ADAM22: variants seen among roughly 807,000 people sequenced by gnomAD.
ADAM22 encodes the protein disintegrin and metalloproteinase domain-containing protein 22.
A neutral mutation model predicts 144.6 loss-of-function variants in ADAM22; 65 were observed. The observed-to-expected ratio is 0.45, with a 90% CI of 0.37 to 0.55. The LOEUF (loss-of-function observed/expected upper bound fraction) is 0.55. ADAM22 is among the 20% of genes least tolerant of loss of function. The pLI is 0.00. For missense variants in ADAM22, 974 were observed against 1,184.9 expected (o/e 0.82, Z 2.61); for synonymous variants, 391 against 412.6 (o/e 0.95, Z 0.63).
intron 2 of ADAM22, among the ~76,000 whole-genome samples, chr7:87,970,916 T>G (rs1850277429): frequency 6.6e-6 from 1 of 152,196 alleles, no homozygotes; most frequent in Non-Finnish European, 1.5e-5. Flanking sequence ...GGAGAGTTAT[T>G]TTATATTTTT....
chr7:88,066,767 A>G (rs1019361473), intron 3 of ADAM22, among the ~76,000 whole-genome samples: 1 of 152,136 alleles, frequency 6.6e-6, no homozygotes, highest in African/African-American at 2.4e-5. Context: ...AGAAAGGAGA[A>G]AAACCAGGAC....
Position 88,201,722 on chromosome 7 carries a change from A to G in ADAM22, c.*5231A>G, listed in dbSNP as rs1196709773. ...TTCCATGTTCCTACGTATCCTTGAAATCAAAACCAGGCAATATGTGTGTTT... is the reference window on the plus strand; with the variant it reads ...TTCCATGTTCCTACGTATCCTTGAAGTCAAAACCAGGCAATATGTGTGTTT... On this transcript the variant is annotated 3_prime_UTR_variant, in exon 32 of 32. Transcript: ENST00000413139. The G allele has an allele frequency of 6.6e-6, 1 of 152,224 alleles. No homozygotes were observed. The highest frequency in any genetic ancestry group is 1.5e-5 in the Non-Finnish European group (1 of 68,044). The allele number at this position is 152,224 out of a possible 1,614,324, so 9.4% of individuals were successfully genotyped here. A position where few individuals can be genotyped will look rare whatever the true frequency, so the allele number is the denominator to read the frequency against.
At chr7:87,952,917 A>C (rs1845636955) in intron 2 of ADAM22, among the ~76,000 whole-genome samples, 4 of 152,078 alleles carry the variant, frequency 2.6e-5, no homozygotes. Flanking sequence ...TAGATTTTCT[A>C]GTTTATTTGT....
chr7:88,108,808 G>A (rs987825080), intron 5 of ADAM22, among the ~76,000 whole-genome samples: 2 of 151,796 alleles, frequency 1.3e-5, no homozygotes, highest in Non-Finnish European at 2.9e-5. Context: ...ATATTGTCAA[G>A]AAAAAAGATA....
intron 8 of ADAM22, among the ~76,000 whole-genome samples, chr7:88,126,155 G>A (rs1397238579): frequency 1.3e-5 from 2 of 152,004 alleles, no homozygotes; most frequent in Admixed American, 6.6e-5. Context: ...CTTGGACTAG[G>A]TAATAATAAC....
At chr7:88,123,022 G>A (rs918628927) in intron 7 of ADAM22, among the ~76,000 whole-genome samples, 6 of 152,012 alleles carry the variant, frequency 3.9e-5, no homozygotes, top group Non-Finnish European at 7.4e-5. Flanking sequence ...TGTCTATTAC[G>A]GGATCATATA....
chr7:88,125,972 C>T (rs906572383), intron 8 of ADAM22, among the ~76,000 whole-genome samples: 5 of 151,918 alleles, frequency 3.3e-5, no homozygotes, highest in African/African-American at 7.2e-5. Context: ...TGTACCACAT[C>T]GTGGAATCCA....
At chr7:88,152,755 T>C (rs995449999) in intron 20 of ADAM22, among the ~76,000 whole-genome samples, 10 of 152,116 alleles carry the variant, frequency 6.6e-5, no homozygotes, top group Non-Finnish European at 1.0e-4. Flanking sequence ...CTCAGCTCAC[T>C]GCACCCTCTG....
intron 4 of ADAM22, among the ~76,000 whole-genome samples, chr7:88,090,825 T>C (rs956060535): frequency 4.6e-5 from 7 of 152,160 alleles, no homozygotes; most frequent in Admixed American, 2.0e-4. Flanking sequence ...GATTCTGTAA[T>C]TGCAGATAGG....
At chr7:88,101,437 A>C (rs1338102225) in intron 4 of ADAM22, among the ~76,000 whole-genome samples, 1 of 152,150 alleles carries the variant, frequency 6.6e-6, no homozygotes. Flanking sequence ...TGACCCTTTT[A>C]GCATGACCAA....
intron 2 of ADAM22, among the ~76,000 whole-genome samples, chr7:87,938,195 A>C (rs1258815531): frequency 5.7e-5 from 8 of 141,382 alleles, no homozygotes; most frequent in Admixed American, 4.3e-4. Context: ...TTTTAATTTT[A>C]GATACCCATA....
chr7:88,183,775 A>C (rs1847662322), intron 29 of ADAM22, among the ~76,000 whole-genome samples: 1 of 151,318 alleles, frequency 6.6e-6, no homozygotes, highest in Non-Finnish European at 1.5e-5. Context: ...GCTGACCATA[A>C]TTCTCACATA....
At position 87,934,355 on chromosome 7, in the gene ADAM22, T is replaced by G; in HGVS notation, c.-111T>G. The stretch of plus-strand genomic sequence containing the variant: ...CGGCCGCCGCAGCACCGGCCGGGGC[T>G]GGGTGGAGGTGGCCGCGGGGACCCC... On this transcript the variant is annotated 5_prime_UTR_variant, in exon 1 of 32. Transcript: ENST00000413139. 2 of 986,112 alleles carry G rather than the reference T, an allele frequency of 2.0e-6. No homozygotes were observed. The highest frequency in any genetic ancestry group is 2.9e-6 in the Non-Finnish European group (2 of 681,906). 61.1% of individuals were successfully genotyped at this position (986,112 alleles called of 1,614,324 possible). A position where few individuals can be genotyped will look rare whatever the true frequency, so the allele number is the denominator to read the frequency against.
intron 7 of ADAM22, among the ~76,000 whole-genome samples, chr7:88,123,851 T>G (rs1438282899): frequency 3.9e-5 from 6 of 152,130 alleles, no homozygotes; most frequent in Non-Finnish European, 7.4e-5. Flanking sequence ...ACCATGTGAT[T>G]TCTTCTTTGT....
Position 88,164,424 on chromosome 7 carries a change from AATTAT to A in ADAM22, c.2076+1248_2076+1252del, listed in dbSNP as rs758106532. Among the ~76,000 whole-genome samples the A allele has an allele frequency of 8.5e-4, 130 of 152,210 alleles. 3 individuals carry two copies. The highest frequency in any genetic ancestry group is 7.8e-4 in the Non-Finnish European group (53 of 67,966). ...TTATGTATTCACAATAATTATGCAT[AATTAT>A]ATTTGGGGTAATTTTAACTTACAGC... On this transcript the variant is annotated intron_variant, in intron 23 of 31. Coordinates refer to ENST00000413139, the MANE Select transcript of ADAM22 (RefSeq NM_001324418.2).
intron 2 of ADAM22, among the ~76,000 whole-genome samples, chr7:87,949,936 A>G (rs1234429792): frequency 6.6e-6 from 1 of 150,778 alleles, no homozygotes; most frequent in East Asian, 1.9e-4. Flanking sequence ...TAAAATATTT[A>G]TATTCTTTTA....
At chr7:88,123,308 A>G (rs1016994251) in intron 7 of ADAM22, among the ~76,000 whole-genome samples, 1 of 151,344 alleles carries the variant, frequency 6.6e-6, no homozygotes, top group Non-Finnish European at 1.5e-5. Context: ...TTTTTTTCTA[A>G]GTTGGTGTAA....
chr7:88,018,968 G>A (rs1178723898), intron 3 of ADAM22, among the ~76,000 whole-genome samples: 2 of 151,594 alleles, frequency 1.3e-5, no homozygotes, highest in East Asian at 1.9e-4. Context: ...TAGCTTTTTT[G>A]TATAAAAAGT....
intron 5 of ADAM22, among the ~76,000 whole-genome samples, chr7:88,113,565 A>T (rs1826628536): frequency 6.7e-6 from 1 of 149,262 alleles, no homozygotes; most frequent in Non-Finnish European, 1.5e-5. Flanking sequence ...CCCACCTAGT[A>T]TGGCCCCCAA....
Sources: gnomAD v4.1 joint callset for allele counts (sites outside exome capture counted in the v4.1 genomes callset) on GRCh38, gnomAD v4.1.1 for gene constraint, MANE v1.5 for transcripts, NCBI Gene and HGNC (gene_info 2026-07-23, HGNC 2026-07-21) for gene names.